Variants in SUGCT observed in about 807,000 individuals in gnomAD.
SUGCT encodes succinyl-CoA:glutarate-CoA transferase, also known as succinyl-CoA:glutarate CoA-transferase.
SUGCT carries 41 observed loss-of-function variants against 55.0 expected under a neutral mutation model. The observed-to-expected ratio is 0.74, with a 90% confidence interval of 0.58 to 0.97. SUGCT has a LOEUF of 0.97. SUGCT is among the 50% of genes least tolerant of loss of function. The pLI is 0.00. For synonymous variants in SUGCT, 187 were observed against 200.4 expected (o/e 0.93, Z 0.56); for missense variants, 568 against 547.8 (o/e 1.04, Z -0.37).
chr7:41,008,730 C>T, the SUGCT span, among the ~76,000 whole-genome samples: 3 of 151,952 alleles, frequency 2.0e-5, no homozygotes, highest in Non-Finnish European at 2.9e-5. Context: ...CTATAAATGA[C>T]GCTGCTGGAG....
chr7:40,354,238 C>T (rs542921680), intron 9 of SUGCT, among the ~76,000 whole-genome samples: 2 of 152,116 alleles, frequency 1.3e-5, no homozygotes, highest in African/African-American at 2.4e-5. Flanking sequence ...TTATTGGTTG[C>T]GGGGCAGTAG....
At chr7:40,147,410 G>A (rs547437548) in intron 1 of SUGCT, among the ~76,000 whole-genome samples, 9 of 152,038 alleles carry the variant, frequency 5.9e-5, no homozygotes, top group South Asian at 2.1e-4. Context: ...CAAGCATCCC[G>A]ACTAAGGAAT....
chr7:40,615,418 T>C (rs1018589209), intron 12 of SUGCT, among the ~76,000 whole-genome samples: 4 of 152,210 alleles, frequency 2.6e-5, no homozygotes, highest in Non-Finnish European at 5.9e-5. Flanking sequence ...TGGTGTTATG[T>C]TAATTCATGC....
chr7:40,341,576 T>C (rs1185358424), intron 9 of SUGCT, among the ~76,000 whole-genome samples: 1 of 152,176 alleles, frequency 6.6e-6, no homozygotes, highest in East Asian at 1.9e-4. Flanking sequence ...GGATTTAAGC[T>C]CTTTTGGCCA....
chr7:40,505,264 T>C (rs547072816), intron 12 of SUGCT, among the ~76,000 whole-genome samples: 1 of 152,286 alleles, frequency 6.6e-6, no homozygotes, highest in South Asian at 2.1e-4. Flanking sequence ...ATGTCTCATG[T>C]AGATGGTAGA....
Position 40,749,481 on chromosome 7 carries a change from G to C in SUGCT, c.1137G>C (p.Gly379=), listed in dbSNP as rs771640869. Residue 379 remains glycine (G), a synonymous_variant, in exon 13 of 14, where the codon GGG becomes GGC. Coordinates refer to ENST00000335693, the MANE Select transcript of SUGCT (RefSeq NM_001193313.2). The part of the protein sequence containing the change: ...LVMEMEHPTV[G]KISVPGPAVR... ...TGGAGATGGAGCATCCAACTGTGGG[G>C]AAGATTTCCGTCCCAGGTCTGAAAA... 6 of 1,613,552 alleles carry C rather than the reference G, an allele frequency of 3.7e-6. No homozygotes were observed. The highest frequency in any genetic ancestry group is 5.1e-6 in the Non-Finnish European group (6 of 1,179,650).
intron 1 of SUGCT, chr7:40,153,614 T>A: frequency 1.9e-6 from 1 of 521,440 alleles, no homozygotes. Context: ...GTCTGCTACC[T>A]TATGTTATAA....
At chr7:40,749,021 A>AC (rs1339547546) in intron 12 of SUGCT, among the ~76,000 whole-genome samples, 1 of 152,146 alleles carries the variant, frequency 6.6e-6, no homozygotes, top group African/African-American at 2.4e-5. Context: ...GAGCATGTGT[A>AC]CCACCCCAGT....
intron 13 of SUGCT, among the ~76,000 whole-genome samples, chr7:40,837,207 A>G (rs1793030974): frequency 2.0e-5 from 3 of 152,128 alleles, no homozygotes; most frequent in South Asian, 2.1e-4. Flanking sequence ...GTCTTTATAT[A>G]TGCTTTTAGC....
intron 9 of SUGCT, among the ~76,000 whole-genome samples, chr7:40,340,544 T>C (rs1456077324): frequency 1.3e-5 from 2 of 152,172 alleles, no homozygotes; most frequent in African/African-American, 4.8e-5. Flanking sequence ...GAATACGTCA[T>C]ATCAAAGATT....
chr7:41,035,025 G>A, the SUGCT span, among the ~76,000 whole-genome samples: 1 of 152,162 alleles, frequency 6.6e-6, no homozygotes, highest in Non-Finnish European at 1.5e-5. Flanking sequence ...TGGGCACTGG[G>A]GCACTGATCT....
At chr7:40,519,533 G>A (rs1212153979) in intron 12 of SUGCT, among the ~76,000 whole-genome samples, 1 of 151,742 alleles carries the variant, frequency 6.6e-6, no homozygotes, top group Non-Finnish European at 1.5e-5. Flanking sequence ...ATAAGAGATG[G>A]CACAGAATGC....
chr7:41,002,677 T>A, the SUGCT span, among the ~76,000 whole-genome samples: 2 of 152,240 alleles, frequency 1.3e-5, no homozygotes, highest in African/African-American at 4.8e-5. Context: ...TCTTGGCCGC[T>A]ATTATGAATG....
chr7:40,854,468 CTTTCTT>C (rs1563050874), intron 13 of SUGCT, among the ~76,000 whole-genome samples: 94 of 136,026 alleles, frequency 6.9e-4, no homozygotes, highest in African/African-American at 2.5e-3. Flanking sequence ...TTCTTTCTTT[CTTTCTT>C]TCTCTTTCTC....
At chr7:40,869,208 G>C in the SUGCT span, among the ~76,000 whole-genome samples, 1 of 152,156 alleles carries the variant, frequency 6.6e-6, no homozygotes, top group African/African-American at 2.4e-5. Context: ...AAAATCAGTT[G>C]ATCTTAGTAT....
intron 11 of SUGCT, among the ~76,000 whole-genome samples, chr7:40,466,267 G>A (rs1790105081): frequency 6.6e-6 from 1 of 152,136 alleles, no homozygotes; most frequent in Non-Finnish European, 1.5e-5. Context: ...CTCCCACCTT[G>A]TCAGCCTTGC....
chr7:40,665,934 T>A (rs1168379501), intron 12 of SUGCT, among the ~76,000 whole-genome samples: 1 of 152,158 alleles, frequency 6.6e-6, no homozygotes, highest in South Asian at 2.1e-4. Flanking sequence ...TAATGGTATA[T>A]ACTTATATAT....
chr7:40,878,937 G>A, the SUGCT span, among the ~76,000 whole-genome samples: 2 of 151,928 alleles, frequency 1.3e-5, no homozygotes, highest in Non-Finnish European at 2.9e-5. Flanking sequence ...GGGACTACAG[G>A]CACCCGCCAC....
rs550085116 is a variant in SUGCT, at chr7:40,188,564, T to G, written c.296T>G (p.Val99Gly). 1.9e-6 allele frequency: 3 copies of G among 1,603,272 alleles called. No individual in the cohort carries two copies. In the South Asian group the frequency reaches 3.4e-5, roughly 18 times the overall value. The change falls in exon 4 of 14, where the codon GTT becomes GGT. Residue 99 changes from valine (V) to glycine (G), a missense_variant. Transcript: ENST00000335693. ...VGTESTYYLS[V>G]NRNKKSIAVN... ...ACAGAAAGTACATATTATCTCAGTG[T>G]TAACCGAAATAAAAAAGTAAGAATA...
Sources: gnomAD v4.1 joint callset for allele counts (sites outside exome capture counted in the v4.1 genomes callset) on GRCh38, gnomAD v4.1.1 for gene constraint, MANE v1.5 for transcripts, NCBI Gene and HGNC (gene_info 2026-07-23, HGNC 2026-07-21) for gene names.